Variants in ADAMTS12 observed in about 807,000 individuals in gnomAD.
ADAMTS12 encodes the protein A disintegrin and metalloproteinase with thrombospondin motifs 12.
A neutral mutation model predicts 167.8 loss-of-function variants in ADAMTS12; 118 were observed. The observed-to-expected ratio is 0.70, with a 90% confidence interval of 0.61 to 0.82. ADAMTS12 has a LOEUF of 0.82. Among genes scored for constraint, ADAMTS12 ranks in the 40% least tolerant of loss-of-function variants. ADAMTS12 has a pLI of 0.00. For synonymous variants in ADAMTS12, 704 were observed against 716.9 expected (o/e 0.98, Z 0.29); for missense variants, 1,916 against 1,998.8 (o/e 0.96, Z 0.79).
intron 9 of ADAMTS12, among the ~76,000 whole-genome samples, chr5:33,646,507 C>G (rs1466540526): frequency 6.6e-6 from 1 of 152,118 alleles, no homozygotes; most frequent in Non-Finnish European, 1.5e-5. Flanking sequence ...AAGGAGTGGT[C>G]AAATGTTACT....
At chr5:33,675,158 G>A (rs992947706) in intron 5 of ADAMTS12, among the ~76,000 whole-genome samples, 1 of 152,182 alleles carries the variant, frequency 6.6e-6, no homozygotes, top group African/African-American at 2.4e-5. Flanking sequence ...AAGTGACCTA[G>A]TCTGTGATAT....
At chr5:33,739,858 C>A (rs1447277475) in intron 3 of ADAMTS12, among the ~76,000 whole-genome samples, 1 of 152,120 alleles carries the variant, frequency 6.6e-6, no homozygotes, top group African/African-American at 2.4e-5. Flanking sequence ...ACCTGAGAGC[C>A]AGATGTCAGG....
chr5:33,555,521 T>A (rs1745451498), intron 20 of ADAMTS12, among the ~76,000 whole-genome samples: 1 of 152,178 alleles, frequency 6.6e-6, no homozygotes. Context: ...AGTGCTGGGA[T>A]TATAGGCATG....
chr5:33,578,911 A>G (rs949104259), intron 18 of ADAMTS12, among the ~76,000 whole-genome samples: 1 of 152,226 alleles, frequency 6.6e-6, no homozygotes, highest in Non-Finnish European at 1.5e-5. Context: ...AAGTCACTCC[A>G]AGATGGAACT....
chr5:33,540,818 C>A (rs1192387592), intron 22 of ADAMTS12, among the ~76,000 whole-genome samples: 2 of 152,172 alleles, frequency 1.3e-5, no homozygotes, highest in African/African-American at 2.4e-5. Context: ...ACACCAAAAA[C>A]CCCATCTGTA....
At chr5:33,591,396 T>G (rs756869677) in intron 17 of ADAMTS12, among the ~76,000 whole-genome samples, 10 of 152,232 alleles carry the variant, frequency 6.6e-5, no homozygotes, top group Non-Finnish European at 1.2e-4. Context: ...CTGAATTTGT[T>G]AAACCCTTGC....
intron 23 of ADAMTS12, among the ~76,000 whole-genome samples, chr5:33,530,806 T>G (rs553804058): frequency 1.9e-4 from 29 of 152,188 alleles, no homozygotes; most frequent in Non-Finnish European, 4.3e-4. Context: ...GGCAAAGGTA[T>G]CTGCCATTAT....
chr5:33,710,865 G>A (rs1470570370), intron 3 of ADAMTS12, among the ~76,000 whole-genome samples: 1 of 152,082 alleles, frequency 6.6e-6, no homozygotes, highest in African/African-American at 2.4e-5. Flanking sequence ...TTCTATAGCA[G>A]GAAAAATCTT....
At chr5:33,716,665 AAAATT>A (rs1412368332) in intron 3 of ADAMTS12, among the ~76,000 whole-genome samples, 1 of 152,164 alleles carries the variant, frequency 6.6e-6, no homozygotes, top group Non-Finnish European at 1.5e-5. Flanking sequence ...TTATTTATTG[AAAATT>A]AAATTTCAAT....
chr5:33,568,730 C>G (rs1746145475), intron 19 of ADAMTS12, among the ~76,000 whole-genome samples: 2 of 152,218 alleles, frequency 1.3e-5, no homozygotes, highest in African/African-American at 4.8e-5. Flanking sequence ...TAGGGAGTGC[C>G]AGAAAGTGGG....
chr5:33,823,657 T>TTC (rs1747947331), intron 2 of ADAMTS12, among the ~76,000 whole-genome samples: 1 of 151,764 alleles, frequency 6.6e-6, no homozygotes, highest in African/African-American at 2.4e-5. Flanking sequence ...TTCTGCCTTT[T>TTC]TTTTTTTTAA....
intron 3 of ADAMTS12, among the ~76,000 whole-genome samples, chr5:33,726,635 G>A (rs1743991200): frequency 1.3e-5 from 2 of 150,832 alleles, no homozygotes; most frequent in Admixed American, 1.3e-4. Flanking sequence ...TTGAACAGTT[G>A]GCCATCTGTG....
chr5:33,539,943 G>A (rs1413053932), intron 22 of ADAMTS12, among the ~76,000 whole-genome samples: 2 of 152,178 alleles, frequency 1.3e-5, no homozygotes, highest in Non-Finnish European at 1.5e-5. Flanking sequence ...CACTGGGACT[G>A]GTTGGACAGT....
chr5:33,619,452 A>AT lies in ADAMTS12; in HGVS notation c.2144-3381dup, dbSNP rs1256057899. On this transcript the variant is annotated intron_variant, in intron 14 of 23. Coordinates refer to ENST00000504830, the MANE Select transcript of ADAMTS12 (RefSeq NM_030955.4). Reference sequence around the variant, plus strand: ...CCACATTAAAAATCTGTTTAGGCAGATTTTTTTCTCTTCAAGGATTTTCTT... The same window carrying AT: ...CCACATTAAAAATCTGTTTAGGCAGATTTTTTTTCTCTTCAAGGATTTTCTT... 2.6e-5 allele frequency among the ~76,000 whole-genome samples: 4 copies of AT among 152,102 alleles called. No homozygotes were observed. The East Asian group carries it at 5.8e-4, about 22-fold the overall frequency.
At chr5:33,544,391 A>G (rs366520) in intron 22 of ADAMTS12, among the ~76,000 whole-genome samples, 74,937 of 152,034 alleles carry the variant, frequency 0.49, 21,675 homozygotes, top group African/African-American at 0.78. Context: ...AACATTCCAT[A>G]CTCATGGATA....
chr5:33,713,235 T>C (rs1743471577), intron 3 of ADAMTS12, among the ~76,000 whole-genome samples: 1 of 152,148 alleles, frequency 6.6e-6, no homozygotes, highest in Admixed American at 6.6e-5. Context: ...CACACATTGT[T>C]TTATCAAGAT....
At position 33,653,304 on chromosome 5, in the gene ADAMTS12, A is replaced by C. The variant is rs1740933847; in HGVS notation, c.1191-3607T>G. 1.3e-5 allele frequency among the ~76,000 whole-genome samples: 2 copies of C among 152,108 alleles called. 1 individual carries two copies. The highest frequency in any genetic ancestry group is 4.2e-4 in the South Asian group (2 of 4,818). ...TGGTTTCTCTTGTTTAGCCTGTTAC[A>C]ATGGTGGATTATGCTGATTTTCAAA... On this transcript the variant is annotated intron_variant, in intron 7 of 23. Coordinates refer to ENST00000504830, the MANE Select transcript of ADAMTS12 (RefSeq NM_030955.4).
At chr5:33,658,599 G>A (rs751495013) in intron 6 of ADAMTS12, among the ~76,000 whole-genome samples, 1 of 152,116 alleles carries the variant, frequency 6.6e-6, no homozygotes, top group African/African-American at 2.4e-5. Flanking sequence ...TCTGGATCTC[G>A]GGAGGTCAAA....
rs996829499 is a variant in ADAMTS12 at position 33,799,309 on chromosome 5, A to G, written c.490-47761T>C. On this transcript the variant is annotated intron_variant, in intron 2 of 23. Coordinates refer to ENST00000504830, the MANE Select transcript of ADAMTS12 (RefSeq NM_030955.4). ...CAAATAAAATCCCAACCTTCTTTCTACTCTCCCACAGGACCTAAATATACT... is the reference window on the plus strand; with the variant it reads ...CAAATAAAATCCCAACCTTCTTTCTGCTCTCCCACAGGACCTAAATATACT... Among the ~76,000 whole-genome samples the G allele has an allele frequency of 4.0e-5, 6 of 151,742 alleles. No homozygotes were observed. In the East Asian group the frequency reaches 5.8e-4, roughly 15 times the overall value.
Sources: allele counts gnomAD v4.1 joint callset (sites outside exome capture counted in the v4.1 genomes callset), GRCh38; gene constraint gnomAD v4.1.1; transcripts MANE v1.5; gene names NCBI Gene and HGNC (gene_info 2026-07-23, HGNC 2026-07-21).